The following IGFL2 variants were observed in gnomAD, a reference collection of about 807,000 sequenced individuals.
The protein encoded by IGFL2 is insulin growth factor-like family member 2.
In IGFL2, 7 loss-of-function variants were observed where a neutral mutation model predicts 13.9. The ratio of observed to expected loss-of-function variants is 0.51; its 90% CI spans 0.29 to 0.95. The LOEUF (loss-of-function observed/expected upper bound fraction) is 0.95, where lower values mean the gene tolerates loss of function less well. IGFL2 is among the 40% of genes least tolerant of loss of function. IGFL2 has a pLI of 0.08. For missense variants in IGFL2, 138 were observed against 147.8 expected (o/e 0.93, Z 0.34); for synonymous variants, 55 against 55.8 (o/e 0.99, Z 0.07).
the IGFL2 span, among the ~76,000 whole-genome samples, chr19:46,213,165 G>A: frequency 6.6e-6 from 1 of 152,168 alleles, no homozygotes; most frequent in Admixed American, 6.5e-5. Context: ...TGTGTGAGTG[G>A]GGGAGGGCGG....
At chr19:46,213,169 A>T in the IGFL2 span, among the ~76,000 whole-genome samples, 1 of 152,226 alleles carries the variant, frequency 6.6e-6, no homozygotes, top group East Asian at 1.9e-4. Context: ...TGAGTGGGGG[A>T]GGGCGGTAAC....
chr19:46,172,753 T>C, the IGFL2 span, among the ~76,000 whole-genome samples: 1 of 152,234 alleles, frequency 6.6e-6, no homozygotes, highest in Non-Finnish European at 1.5e-5. Flanking sequence ...GGTCTCGCTC[T>C]GTCATGTAGA....
At chr19:46,102,617 G>A in the IGFL2 span, among the ~76,000 whole-genome samples, 3 of 152,054 alleles carry the variant, frequency 2.0e-5, no homozygotes, top group East Asian at 3.9e-4. Context: ...AAATCACAAC[G>A]GTGGAATGTC....
upstream of IGFL2, among the ~76,000 whole-genome samples, chr19:46,139,209 C>T (rs922816839): frequency 2.0e-5 from 3 of 151,576 alleles, no homozygotes; most frequent in Non-Finnish European, 4.4e-5. Context: ...CTCCCTCACT[C>T]CACTCTCAAT....
chr19:46,108,994 A>G, the IGFL2 span, among the ~76,000 whole-genome samples: 223 of 141,002 alleles, frequency 1.6e-3, no homozygotes, highest in African/African-American at 3.6e-3. Context: ...AGGACCCAAG[A>G]TGGTAGGTGG....
upstream of IGFL2, among the ~76,000 whole-genome samples, chr19:46,138,959 C>A (rs867216606): frequency 4.0e-5 from 6 of 151,636 alleles, no homozygotes; most frequent in Admixed American, 1.3e-4. Context: ...GGGCTCTACA[C>A]AGGCTAGAGT....
the IGFL2 span, among the ~76,000 whole-genome samples, chr19:46,172,112 T>TACGG: frequency 6.6e-6 from 1 of 152,222 alleles, no homozygotes; most frequent in African/African-American, 2.4e-5. Flanking sequence ...ACTCCAGAGA[T>TACGG]ACGGACTTTG....
chr19:46,178,839 T>C, the IGFL2 span, among the ~76,000 whole-genome samples: 5 of 151,968 alleles, frequency 3.3e-5, no homozygotes, highest in Admixed American at 3.3e-4. Context: ...AGCTTCTGTC[T>C]CCCTAAAATA....
the IGFL2 span, among the ~76,000 whole-genome samples, chr19:46,167,393 G>C: frequency 6.6e-6 from 1 of 152,158 alleles, no homozygotes; most frequent in Non-Finnish European, 1.5e-5. Context: ...GCCTGGCTCC[G>C]TGGTGGCAGG....
the IGFL2 span, among the ~76,000 whole-genome samples, chr19:46,091,549 T>A: frequency 6.6e-6 from 1 of 152,248 alleles, no homozygotes; most frequent in Non-Finnish European, 1.5e-5. Flanking sequence ...GTTGCTGAGA[T>A]AACCTATTGT....
the IGFL2 span, among the ~76,000 whole-genome samples, chr19:46,110,182 T>G: frequency 1.3e-5 from 2 of 152,204 alleles, no homozygotes; most frequent in African/African-American, 4.8e-5. Context: ...CTGTCACTGT[T>G]TGATAAACTG....
At chr19:46,156,975 A>G (rs1973859812) in intron 1 of IGFL2, among the ~76,000 whole-genome samples, 1 of 152,178 alleles carries the variant, frequency 6.6e-6, no homozygotes, top group African/African-American at 2.4e-5. Context: ...AGACACTAAA[A>G]GAATAATAGT....
the IGFL2 span, among the ~76,000 whole-genome samples, chr19:46,120,523 A>G: frequency 6.6e-6 from 1 of 151,034 alleles, no homozygotes; most frequent in African/African-American, 2.5e-5. Flanking sequence ...AAGCAGGAAG[A>G]TAGGACACCA....
the IGFL2 span, among the ~76,000 whole-genome samples, chr19:46,087,721 G>A: frequency 6.6e-6 from 1 of 152,348 alleles, no homozygotes; most frequent in African/African-American, 2.4e-5. Context: ...TTGTCCTTGG[G>A]GCATGAGAAA....
the IGFL2 span, among the ~76,000 whole-genome samples, chr19:46,121,625 C>T: frequency 3.3e-5 from 5 of 150,390 alleles, 1 homozygote; most frequent in Non-Finnish European, 7.4e-5. Flanking sequence ...CGGTGTCGCA[C>T]GTGACGACTA....
At chr19:46,081,630 C>G in the IGFL2 span, among the ~76,000 whole-genome samples, 1 of 152,146 alleles carries the variant, frequency 6.6e-6, no homozygotes. Context: ...TGCAGCCTAG[C>G]CCTCAGCCAG....
At chr19:46,128,916 A>G in the IGFL2 span, among the ~76,000 whole-genome samples, 1 of 152,178 alleles carries the variant, frequency 6.6e-6, no homozygotes, top group African/African-American at 2.4e-5. Flanking sequence ...TTCAGTAGGA[A>G]TGGTACCAGC....
chr19:46,090,645 C>T, the IGFL2 span, among the ~76,000 whole-genome samples: 144 of 152,336 alleles, frequency 9.5e-4, no homozygotes, highest in African/African-American at 3.4e-3. Flanking sequence ...GCTGGAATCT[C>T]ATGGCTTCTG....
chr19:46,185,240 C>G, the IGFL2 span, among the ~76,000 whole-genome samples: 90 of 152,078 alleles, frequency 5.9e-4, no homozygotes, highest in Admixed American at 9.2e-4. Context: ...TTTTTCTACC[C>G]CCCTCCCTCT....
Sources: allele counts gnomAD v4.1 joint callset (sites outside exome capture counted in the v4.1 genomes callset), GRCh38; gene constraint gnomAD v4.1.1; transcripts MANE v1.5; gene names NCBI Gene and HGNC (gene_info 2026-07-23, HGNC 2026-07-21).